MLXIP: variants seen among roughly 807,000 people sequenced by gnomAD.
MLXIP encodes MLX interacting protein.
In MLXIP, 30 loss-of-function variants were observed where a neutral mutation model predicts 87.2. The ratio of observed to expected loss-of-function variants is 0.34; its 90% CI spans 0.26 to 0.47. The LOEUF (loss-of-function observed/expected upper bound fraction) is 0.47, where lower values mean the gene tolerates loss of function less well. MLXIP is among the 20% of genes least tolerant of loss of function. The pLI is 1.00. For missense variants in MLXIP, 1,002 were observed against 1,240.1 expected (o/e 0.81, Z 2.88); for synonymous variants, 530 against 514.0 (o/e 1.03, Z -0.42).
intron 1 of MLXIP, among the ~76,000 whole-genome samples, chr12:122,090,419 A>C (rs36145332): frequency 0.51 from 76,685 of 151,548 alleles, 19,894 homozygotes; most frequent in Middle Eastern, 0.64. Flanking sequence ...CTCTCTTGAA[A>C]CCGAGAGGCA....
chr12:122,094,630 CTG>C (rs1239058054), intron 1 of MLXIP, among the ~76,000 whole-genome samples: 25 of 103,510 alleles, frequency 2.4e-4, no homozygotes, highest in Admixed American at 1.0e-3. Context: ...TTTTCGGTGT[CTG>C]TGGTGTTGGT....
chr12:122,088,754 C>T (rs988693508), intron 1 of MLXIP, among the ~76,000 whole-genome samples: 3 of 151,990 alleles, frequency 2.0e-5, no homozygotes, highest in Non-Finnish European at 4.4e-5. Flanking sequence ...GGAGGGCAGC[C>T]GTGTTTGCTC....
At position 122,129,051 on chromosome 12, in the gene MLXIP, T is replaced by G. The variant is rs752905492; in HGVS notation, c.607-86T>G. 269 of 1,116,668 alleles carry G rather than the reference T, an allele frequency of 2.4e-4. 1 individual carries two copies. The highest frequency in any genetic ancestry group is 3.5e-4 in the Non-Finnish European group (260 of 751,366). 69.2% of individuals were successfully genotyped at this position (1,116,668 alleles called of 1,614,324 possible). A position where few individuals can be genotyped will look rare whatever the true frequency, so the allele number is the denominator to read the frequency against. On this transcript the variant is annotated intron_variant, in intron 3 of 16. Transcript: ENST00000319080. ...CCCGCTGGATTGCCTAAGGCCTGAT[T>G]ATAGTGCCGGATACTCAGTACACCA...
chr12:122,105,461 C>T (rs1952504711), intron 1 of MLXIP, among the ~76,000 whole-genome samples: 1 of 151,948 alleles, frequency 6.6e-6, no homozygotes. Context: ...GATTCTCCTG[C>T]CTCAGCCTCC....
At chr12:122,095,951 G>A (rs923101098) in intron 1 of MLXIP, among the ~76,000 whole-genome samples, 5 of 151,728 alleles carry the variant, frequency 3.3e-5, no homozygotes, top group African/African-American at 1.2e-4. Context: ...TGCAACCTCC[G>A]CCTCCCTGGT....
chr12:122,101,566 A>ATTT (rs369219373), intron 1 of MLXIP, among the ~76,000 whole-genome samples: 6 of 136,608 alleles, frequency 4.4e-5, no homozygotes, highest in South Asian at 2.2e-4. Context: ...TTATTTATTT[A>ATTT]TTTTTTTCTT....
chr12:122,130,949 A>G lies in MLXIP; in HGVS notation c.1000+16A>G. The stretch of plus-strand genomic sequence containing the variant: ...CCTTTCCAGGGTGAGGACCAGAGGC[A>G]GAGAGAGCACGGTTGCCTCCATCTC... On this transcript the variant is annotated intron_variant, in intron 7 of 16. Transcript: ENST00000319080. The G allele has an allele frequency of 6.3e-7, 1 of 1,584,080 alleles. No homozygotes were observed. Among genetic ancestry groups the G allele is most frequent in the Non-Finnish European group, 8.7e-7 (1 of 1,152,578 alleles).
Position 122,145,249 on chromosome 12 carries a change from C to G in MLXIP, c.*3437C>G, listed in dbSNP as rs974961668. 3.3e-5 allele frequency: 5 copies of G among 152,338 alleles called. No homozygotes were observed. Among genetic ancestry groups the G allele is most frequent in the African/African-American group, 1.2e-4 (5 of 41,472 alleles). 9.4% of individuals were successfully genotyped at this position (152,338 alleles called of 1,614,324 possible). ...AAGGGGCTGGAAAGCAGCAGACCCC[C>G]CCAGTGCTGCGCATGGTCCCGGAGC... On this transcript the variant is annotated 3_prime_UTR_variant, in exon 17 of 17. Coordinates refer to ENST00000319080, the MANE Select transcript of MLXIP (RefSeq NM_014938.6).
intron 6 of MLXIP, among the ~76,000 whole-genome samples, chr12:122,130,447 G>A (rs769337717): frequency 1.1e-4 from 17 of 151,574 alleles, no homozygotes; most frequent in South Asian, 2.1e-4. Context: ...CGAGGCGGCC[G>A]GGCCGTGACT....
chr12:122,130,268 T>A (rs1180525881), intron 6 of MLXIP, 156 bp downstream of exon 6: 2 of 322,932 alleles, frequency 6.2e-6, no homozygotes, highest in Middle Eastern at 1.4e-3. Flanking sequence ...TGGCCTCATT[T>A]GACATCCAGG....
Position 122,135,165 on chromosome 12 carries a change from A to C in MLXIP, c.1733-59A>C, listed in dbSNP as rs1005064325. On this transcript the variant is annotated intron_variant, in intron 9 of 16. Coordinates refer to ENST00000319080, the MANE Select transcript of MLXIP (RefSeq NM_014938.6). The surrounding 1 kb of genome is among the most constrained non-coding windows in gnomAD (Gnocchi z 5.3). ...TCACTGGCAGAGAGGCAGCCTCTGCAGGGTGGGCCAGGCCCTGTGGCCCAG... is the reference window on the plus strand; with the variant it reads ...TCACTGGCAGAGAGGCAGCCTCTGCCGGGTGGGCCAGGCCCTGTGGCCCAG... The C allele has an allele frequency of 8.8e-6, 14 of 1,595,306 alleles. No homozygotes were observed. The highest frequency in any genetic ancestry group is 1.2e-5 in the Non-Finnish European group (14 of 1,171,500).
intron 1 of MLXIP, among the ~76,000 whole-genome samples, chr12:122,119,907 G>T (rs184012938): frequency 6.6e-6 from 1 of 152,306 alleles, no homozygotes; most frequent in East Asian, 1.9e-4. Context: ...CTTCAAAAAG[G>T]CTCACAATTG....
chr12:122,139,119 T>C (rs958553382), intron 15 of MLXIP, 181 bp downstream of exon 15: 1 of 522,490 alleles, frequency 1.9e-6, no homozygotes, highest in South Asian at 8.2e-5. Context: ...CTGTGTGGGC[T>C]GGAGGTGCTG....
chr12:122,098,986 C>T (rs1044144153), intron 1 of MLXIP, among the ~76,000 whole-genome samples: 10 of 152,224 alleles, frequency 6.6e-5, no homozygotes, highest in African/African-American at 2.4e-4. Context: ...GCCTGTAATC[C>T]CAGCACTTTG....
In MLXIP at chr12:122,135,321, C is replaced by T; in HGVS notation, c.1830C>T (p.Val610=). ...CCACCGTGTCCCAGTCCAACGTGGT[C>T]ATTGCGCCTGCTGCCATCGCCAGGG... ...LASTVSQSNV[V]IAPAAIARAP... is the part of the protein sequence containing the mutation. Residue 610 remains valine, a synonymous_variant, in exon 10 of 17, where the codon GTC becomes GTT. Coordinates refer to ENST00000319080, the MANE Select transcript of MLXIP (RefSeq NM_014938.6). This position sits in a 1 kb window ranked among gnomAD's most constrained non-coding sequence, Gnocchi z 5.3. 1.2e-6 allele frequency: 2 copies of T among 1,613,568 alleles called. No individual in the cohort carries two copies. The highest frequency in any genetic ancestry group is 1.7e-6 in the Non-Finnish European group (2 of 1,179,800).
chr12:122,129,740 G>A (rs1952941710), intron 5 of MLXIP, 111 bp downstream of exon 5: 1 of 1,419,454 alleles, frequency 7.0e-7, no homozygotes, highest in African/African-American at 1.4e-5. Flanking sequence ...GCCCTCCCTG[G>A]AGTCTCAGGA....
chr12:122,094,534 GGTGTGTTGGTGTGTGGGTGTGTTTGCAGT>G (rs1952316218), intron 1 of MLXIP, among the ~76,000 whole-genome samples: 1 of 135,706 alleles, frequency 7.4e-6, no homozygotes, highest in Admixed American at 7.4e-5. Context: ...TGTTGTGTGT[GGTGTGTTGGTGTGTGGGTGTGTTTGCAGT>G]GTGTGTTGGT....
intron 14 of MLXIP, 51 bp from the exon 15 acceptor site, chr12:122,138,764 C>T (rs1953141952): frequency 1.9e-6 from 3 of 1,598,994 alleles, no homozygotes; most frequent in Non-Finnish European, 8.5e-7. Context: ...GTCCCAGGGT[C>T]CTTATTGGCC....
intron 11 of MLXIP, chr12:122,136,053 A>G (rs1953085348): frequency 1.1e-5 from 2 of 189,690 alleles, no homozygotes; most frequent in Non-Finnish European, 2.2e-5. Flanking sequence ...GTCCAGCCTC[A>G]TCTGGGCACC....
Sources: allele counts gnomAD v4.1 joint callset (sites outside exome capture counted in the v4.1 genomes callset), GRCh38; gene constraint gnomAD v4.1.1; non-coding constraint Gnocchi (gnomAD v3.1); transcripts MANE v1.5; gene names NCBI Gene and HGNC (gene_info 2026-07-23, HGNC 2026-07-21).